Variants in SEMA6D observed in about 807,000 individuals in gnomAD.
SEMA6D encodes semaphorin-6D.
A neutral mutation model predicts 106.6 loss-of-function variants in SEMA6D; 35 were observed. The observed-to-expected ratio is 0.33, with a 90% CI of 0.25 to 0.44. SEMA6D has a LOEUF of 0.44. Ranked by LOEUF, SEMA6D falls within the 20% of genes least tolerant of loss-of-function variation. SEMA6D has a pLI of 1.00. For missense variants in SEMA6D, 1,185 were observed against 1,345.9 expected (o/e 0.88, Z 1.87); for synonymous variants, 499 against 487.7 (o/e 1.02, Z -0.31).
chr15:47,730,654 A>C, intron 1 of SEMA6D: 2 of 1,605,600 alleles, frequency 1.2e-6, no homozygotes, highest in East Asian at 2.2e-5. Flanking sequence ...GGGCCAGCTT[A>C]TGCAGCTCGC....
intron 1 of SEMA6D, among the ~76,000 whole-genome samples, chr15:47,344,252 G>T (rs543373288): frequency 6.6e-6 from 1 of 152,076 alleles, no homozygotes; most frequent in Non-Finnish European, 1.5e-5. Context: ...CAGTATAGCT[G>T]CCATTTATAT....
intron 2 of SEMA6D, among the ~76,000 whole-genome samples, chr15:47,442,312 T>C (rs2041906166): frequency 6.6e-6 from 1 of 152,116 alleles, no homozygotes; most frequent in African/African-American, 2.4e-5. Flanking sequence ...CAGTGGGCTA[T>C]AACCACCCTT....
At chr15:47,476,681 C>T (rs927580876) in intron 3 of SEMA6D, among the ~76,000 whole-genome samples, 1 of 152,102 alleles carries the variant, frequency 6.6e-6, no homozygotes, top group Non-Finnish European at 1.5e-5. Flanking sequence ...AGTGCTGACA[C>T]GCCCCAGGCA....
Position 47,229,458 on chromosome 15 carries a change from T to C in SEMA6D, c.-239+45040T>C, listed in dbSNP as rs969957240. On this transcript the variant is annotated intron_variant, in intron 1 of 19. Coordinates refer to the SEMA6D transcript ENST00000558014. The stretch of plus-strand genomic sequence containing the variant: ...CTGAAATTTGACAAAGGTCAGTAAT[T>C]GTGCCCCAAGATGCCTTGTGCTATA... Among the ~76,000 whole-genome samples the C allele has an allele frequency of 5.9e-5, 9 of 152,004 alleles. 1 individual carries two copies. The highest frequency in any genetic ancestry group is 1.9e-4 in the African/African-American group (8 of 41,432).
chr15:47,424,548 A>G (rs2041271849), intron 2 of SEMA6D, among the ~76,000 whole-genome samples: 1 of 152,152 alleles, frequency 6.6e-6, no homozygotes. Context: ...CATTGTCTCT[A>G]TCCTAGAGTT....
At chr15:47,694,130 G>A (rs2078649990) in intron 4 of SEMA6D, among the ~76,000 whole-genome samples, 1 of 148,940 alleles carries the variant, frequency 6.7e-6, no homozygotes, top group South Asian at 2.1e-4. Context: ...AAAATCTTCG[G>A]CCCCACAAAC....
At chr15:47,724,658 G>A (rs1326102643) in intron 1 of SEMA6D, among the ~76,000 whole-genome samples, 1 of 151,994 alleles carries the variant, frequency 6.6e-6, no homozygotes, top group African/African-American at 2.4e-5. Context: ...GGGGGTGAGG[G>A]TCTAGATCAG....
At chr15:47,727,510 A>G (rs1056776710) in intron 1 of SEMA6D, among the ~76,000 whole-genome samples, 1 of 152,232 alleles carries the variant, frequency 6.6e-6, no homozygotes, top group African/African-American at 2.4e-5. Flanking sequence ...GCTAGACCTC[A>G]GGGCTACTGT....
rs538086487 is a variant in SEMA6D, at chr15:47,645,221, C to T, written c.-55+44325C>T. 8.5e-5 allele frequency among the ~76,000 whole-genome samples: 13 copies of T among 152,320 alleles called. No homozygotes were observed. The South Asian group carries it at 2.5e-3, about 29-fold the overall frequency. ...TGATGCTTTAGTCCCTTATTGGAAA[C>T]ATCTTTAAGGAAACAGTCAAGTTGT... is the stretch of plus-strand genomic sequence containing the variant. On this transcript the variant is annotated intron_variant, in intron 4 of 19. Coordinates refer to the SEMA6D transcript ENST00000558014.
intron 1 of SEMA6D, among the ~76,000 whole-genome samples, chr15:47,322,940 T>G (rs1485758428): frequency 6.6e-6 from 1 of 152,224 alleles, no homozygotes; most frequent in Admixed American, 6.5e-5. Flanking sequence ...ACCGCATAAA[T>G]TTTTTAAACC....
At chr15:47,265,922 GCC>G (rs1387385584) in intron 1 of SEMA6D, among the ~76,000 whole-genome samples, 3 of 152,020 alleles carry the variant, frequency 2.0e-5, no homozygotes, top group African/African-American at 7.2e-5. Context: ...GTTTTATCAG[GCC>G]TCTCTGTCGC....
intron 3 of SEMA6D, among the ~76,000 whole-genome samples, chr15:47,559,424 C>A (rs140454555): frequency 9.3e-4 from 142 of 152,206 alleles, no homozygotes; most frequent in African/African-American, 3.2e-3. Context: ...GGTTTTCATG[C>A]CAGTGGCTGC....
At chr15:47,228,572 G>A (rs1195277105) in intron 1 of SEMA6D, among the ~76,000 whole-genome samples, 1 of 151,948 alleles carries the variant, frequency 6.6e-6, no homozygotes, top group African/African-American at 2.4e-5. Flanking sequence ...TACATTGCAG[G>A]TAACTCAGAT....
At chr15:47,258,831 T>G (rs1451117271) in intron 1 of SEMA6D, among the ~76,000 whole-genome samples, 2 of 152,158 alleles carry the variant, frequency 1.3e-5, no homozygotes, top group Non-Finnish European at 2.9e-5. Flanking sequence ...GACTCCTGAC[T>G]AATATATATT....
intron 1 of SEMA6D, among the ~76,000 whole-genome samples, chr15:47,720,004 A>G (rs2079324086): frequency 6.6e-6 from 1 of 152,222 alleles, no homozygotes; most frequent in African/African-American, 2.4e-5. Flanking sequence ...TAAATAAACC[A>G]TAGTTCAGCC....
At chr15:47,407,383 A>C (rs1314505366) in intron 1 of SEMA6D, among the ~76,000 whole-genome samples, 3 of 148,280 alleles carry the variant, frequency 2.0e-5, no homozygotes, top group South Asian at 2.1e-4. Context: ...AAAAAAAAAA[A>C]AAAACCAAAA....
At chr15:47,379,582 A>T (rs1489863826) in intron 1 of SEMA6D, among the ~76,000 whole-genome samples, 1 of 152,238 alleles carries the variant, frequency 6.6e-6, no homozygotes, top group African/African-American at 2.4e-5. Flanking sequence ...GGCAGAGGCA[A>T]CAAAAATACA....
At chr15:47,721,403 C>T (rs369434382) in intron 1 of SEMA6D, among the ~76,000 whole-genome samples, 86 of 152,258 alleles carry the variant, frequency 5.6e-4, no homozygotes, top group Admixed American at 1.2e-3. Context: ...TGAATGGAGA[C>T]TTAGTGTTAA....
intron 4 of SEMA6D, among the ~76,000 whole-genome samples, chr15:47,630,934 C>A (rs1338608849): frequency 1.3e-5 from 2 of 151,742 alleles, no homozygotes; most frequent in Non-Finnish European, 2.9e-5. Flanking sequence ...GTCTTGCATA[C>A]CTGGAATAAA....
Sources: allele counts gnomAD v4.1 joint callset (sites outside exome capture counted in the v4.1 genomes callset), GRCh38; gene constraint gnomAD v4.1.1; transcripts MANE v1.5; gene names NCBI Gene and HGNC (gene_info 2026-07-23, HGNC 2026-07-21).